The following EFNA5 variants were observed in gnomAD, a reference collection of about 807,000 sequenced individuals.
The protein encoded by EFNA5 is ephrin A5.
Under a neutral mutation model 22.9 loss-of-function variants are expected in EFNA5, and 5 were observed. The observed-to-expected ratio is 0.22, with a 90% CI of 0.11 to 0.46. The LOEUF is 0.46. Ranked by LOEUF, EFNA5 falls within the 20% of genes least tolerant of loss-of-function variation. The pLI is 0.99. For synonymous variants in EFNA5, 113 were observed against 112.2 expected, an observed-to-expected ratio of 1.01 and a Z score of -0.04; for missense variants, 237 against 293.3, an observed-to-expected ratio of 0.81 and a Z score of 1.40.
intron 1 of EFNA5, among the ~76,000 whole-genome samples, chr5:107,649,796 T>C (rs919180688): frequency 2.0e-5 from 3 of 152,204 alleles, no homozygotes; most frequent in African/African-American, 7.2e-5. Flanking sequence ...CATTTTTCTA[T>C]GCTTTATGTT....
chr5:107,543,029 G>A (rs763558684), intron 1 of EFNA5, among the ~76,000 whole-genome samples: 2 of 152,076 alleles, frequency 1.3e-5, no homozygotes, highest in Admixed American at 6.6e-5. Flanking sequence ...CCCATTTACC[G>A]CACTATTTAC....
chr5:107,614,984 T>C (rs1442993277), intron 1 of EFNA5, among the ~76,000 whole-genome samples: 1 of 152,150 alleles, frequency 6.6e-6, no homozygotes, highest in Non-Finnish European at 1.5e-5. Flanking sequence ...TTTAAACAAA[T>C]TATTTAGGAG....
intron 1 of EFNA5, among the ~76,000 whole-genome samples, chr5:107,442,953 AC>A (rs1268420066): frequency 7.3e-6 from 1 of 137,426 alleles, no homozygotes; most frequent in African/African-American, 2.7e-5. Flanking sequence ...AAAAAAAAAA[AC>A]CCTGTGAATT....
intron 1 of EFNA5, among the ~76,000 whole-genome samples, chr5:107,472,190 T>A (rs1181091192): frequency 6.6e-6 from 1 of 152,190 alleles, no homozygotes; most frequent in Non-Finnish European, 1.5e-5. Flanking sequence ...GCTTGGGGGC[T>A]AATTTAACCT....
At chr5:107,394,079 C>G (rs1020085755) in intron 2 of EFNA5, among the ~76,000 whole-genome samples, 3 of 152,110 alleles carry the variant, frequency 2.0e-5, no homozygotes, top group Non-Finnish European at 4.4e-5. Flanking sequence ...CATTTTCATA[C>G]AAAGCATTTT....
chr5:107,452,254 A>G (rs1168518745), intron 1 of EFNA5, among the ~76,000 whole-genome samples: 1 of 152,060 alleles, frequency 6.6e-6, no homozygotes, highest in Non-Finnish European at 1.5e-5. Context: ...GGACGGGTCA[A>G]TAGGTGCAGC....
chr5:107,536,071 C>T (rs952120467), intron 1 of EFNA5, among the ~76,000 whole-genome samples: 1 of 152,184 alleles, frequency 6.6e-6, no homozygotes, highest in African/African-American at 2.4e-5. Flanking sequence ...AGTTTGCATA[C>T]TTTTATCACC....
chr5:107,524,158 G>A (rs148196997), intron 1 of EFNA5, among the ~76,000 whole-genome samples: 2 of 152,278 alleles, frequency 1.3e-5, no homozygotes, highest in African/African-American at 4.8e-5. Flanking sequence ...TGAAGTCACT[G>A]AGCCACGCAC....
At chr5:107,440,733 G>C (rs1242108697) in intron 1 of EFNA5, among the ~76,000 whole-genome samples, 1 of 152,160 alleles carries the variant, frequency 6.6e-6, no homozygotes, top group African/African-American at 2.4e-5. Flanking sequence ...GAGAATGTGA[G>C]CTGTTTTTGG....
chr5:107,563,271 T>C (rs952373323), intron 1 of EFNA5, among the ~76,000 whole-genome samples: 2 of 152,184 alleles, frequency 1.3e-5, no homozygotes, highest in Admixed American at 6.5e-5. Flanking sequence ...CGGTTACATC[T>C]GACTTTCCCC....
chr5:107,635,275 A>G (rs938430229), intron 1 of EFNA5, among the ~76,000 whole-genome samples: 2 of 152,158 alleles, frequency 1.3e-5, no homozygotes, highest in African/African-American at 2.4e-5. Context: ...CTTTTATTTT[A>G]TTTTTTGCTT....
intron 1 of EFNA5, among the ~76,000 whole-genome samples, chr5:107,451,620 A>G (rs552446669): frequency 2.0e-5 from 3 of 152,352 alleles, no homozygotes; most frequent in African/African-American, 4.8e-5. Flanking sequence ...GAATGAATGA[A>G]TAAGTGAAAA....
intron 1 of EFNA5, among the ~76,000 whole-genome samples, chr5:107,655,247 C>T (rs1561461463): frequency 6.6e-6 from 1 of 152,036 alleles, no homozygotes; most frequent in Non-Finnish European, 1.5e-5. Context: ...CATAAAATTA[C>T]CAAGCTTCAA....
At chr5:107,498,310 T>C (rs551131962) in intron 1 of EFNA5, among the ~76,000 whole-genome samples, 1 of 152,250 alleles carries the variant, frequency 6.6e-6, no homozygotes, top group Non-Finnish European at 1.5e-5. Context: ...CCTTTTTTCA[T>C]AGCTCATACA....
chr5:107,417,626 T>C (rs1748536967), intron 2 of EFNA5, among the ~76,000 whole-genome samples: 1 of 152,190 alleles, frequency 6.6e-6, no homozygotes, highest in South Asian at 2.1e-4. Flanking sequence ...CACTATCAGC[T>C]TTCTGGACCA....
At chr5:107,663,390 A>G (rs1049127930) in intron 1 of EFNA5, among the ~76,000 whole-genome samples, 2 of 152,172 alleles carry the variant, frequency 1.3e-5, no homozygotes, top group Non-Finnish European at 2.9e-5. Flanking sequence ...TTAATAGCAA[A>G]GCGATTTTTA....
intron 2 of EFNA5, among the ~76,000 whole-genome samples, chr5:107,391,686 G>A (rs1410635667): frequency 6.6e-6 from 1 of 152,198 alleles, no homozygotes; most frequent in Non-Finnish European, 1.5e-5. Flanking sequence ...AGGAAGTTGG[G>A]AGTAGGGATA....
intron 1 of EFNA5, among the ~76,000 whole-genome samples, chr5:107,520,059 C>CG (rs1368576762): frequency 2.6e-5 from 4 of 152,166 alleles, no homozygotes; most frequent in Admixed American, 2.0e-4. Flanking sequence ...TCAGGGCTTA[C>CG]GGGGACAGTG....
chr5:107,565,039 T>A (rs1748634119), intron 1 of EFNA5, among the ~76,000 whole-genome samples: 1 of 152,138 alleles, frequency 6.6e-6, no homozygotes, highest in Non-Finnish European at 1.5e-5. Context: ...TAATATGATA[T>A]CATTCCAAAA....
Sources: allele counts gnomAD v4.1 joint callset (sites outside exome capture counted in the v4.1 genomes callset), GRCh38; gene constraint gnomAD v4.1.1; transcripts MANE v1.5; gene names NCBI Gene and HGNC (gene_info 2026-07-23, HGNC 2026-07-21).